The following ARHGEF9 variants were observed in gnomAD, a reference collection of about 807,000 sequenced individuals.
ARHGEF9 encodes rho guanine nucleotide exchange factor 9.
In ARHGEF9, 2 loss-of-function variants were observed where a neutral mutation model predicts 41.3. The ratio of observed to expected loss-of-function variants is 0.05; its 90% CI spans 0.02 to 0.15. ARHGEF9 has a LOEUF of 0.15. ARHGEF9 is among the 10% of genes least tolerant of loss of function. The probability of loss-of-function intolerance (pLI) is 1.00; values close to 1 mark genes in which losing one functional copy is unlikely to be tolerated. For missense variants in ARHGEF9, 225 were observed against 424.7 expected (o/e 0.53, Z 4.13); for synonymous variants, 160 against 154.4 (o/e 1.04, Z -0.27).
At chrX:63,647,254 C>T (rs782320695) in intron 8 of ARHGEF9, among the ~76,000 whole-genome samples, 1 of 111,790 alleles carries the variant, frequency 8.9e-6, no homozygotes, top group Non-Finnish European at 1.9e-5. Flanking sequence ...CTGGCCAGAA[C>T]TTCCAACACT....
At chrX:63,713,792 G>C (rs1363624127) in intron 2 of ARHGEF9, among the ~76,000 whole-genome samples, 1 of 110,288 alleles carries the variant, frequency 9.1e-6, no homozygotes, top group Non-Finnish European at 1.9e-5. Flanking sequence ...AGGGATTCCT[G>C]AATGTGCATG....
At chrX:63,766,766 T>C in intron 1 of ARHGEF9, 1 of 215,488 alleles carries the variant, frequency 4.6e-6, no homozygotes, top group South Asian at 7.2e-5. Context: ...TGCCCCTCTA[T>C]CTCCCATCTT....
intron 4 of ARHGEF9, 77 bp downstream of exon 4, chrX:63,697,048 A>T (rs1195305162): frequency 1.5e-5 from 16 of 1,086,292 alleles, no homozygotes; most frequent in Non-Finnish European, 1.9e-5. Context: ...AGCTGAACAG[A>T]ACCAGACAGC....
intron 1 of ARHGEF9, among the ~76,000 whole-genome samples, chrX:63,775,505 G>A (rs1283175941): frequency 8.9e-6 from 1 of 112,162 alleles, no homozygotes; most frequent in African/African-American, 3.2e-5. Flanking sequence ...ATAAAAACGC[G>A]AGAACATGTC....
chrX:63,677,791 C>A (rs1219729885), intron 5 of ARHGEF9, among the ~76,000 whole-genome samples: 2 of 111,904 alleles, frequency 1.8e-5, no homozygotes, highest in African/African-American at 6.5e-5. Context: ...GCCCACCAAA[C>A]CCCCAAAAAG....
chrX:63,724,037 C>T (rs2053808711), intron 2 of ARHGEF9, among the ~76,000 whole-genome samples: 1 of 111,808 alleles, frequency 8.9e-6, no homozygotes, highest in African/African-American at 3.3e-5. Flanking sequence ...TCTGAATACA[C>T]AGTGACAACA....
intron 6 of ARHGEF9, among the ~76,000 whole-genome samples, chrX:63,668,910 T>C (rs782765185): frequency 6.9e-4 from 77 of 111,564 alleles, no homozygotes; most frequent in Non-Finnish European, 1.4e-3. Flanking sequence ...CCCCACCCAA[T>C]CTCCTCCTAC....
intron 6 of ARHGEF9, among the ~76,000 whole-genome samples, chrX:63,670,697 G>A (rs1489941439): frequency 1.8e-5 from 2 of 111,700 alleles, no homozygotes; most frequent in Non-Finnish European, 3.8e-5. Flanking sequence ...CAGTCCCTGG[G>A]AACAGATTAT....
chrX:63,648,647 C>A (rs1453030198), intron 8 of ARHGEF9, among the ~76,000 whole-genome samples: 1 of 111,593 alleles, frequency 9.0e-6, no homozygotes, highest in African/African-American at 3.3e-5. Flanking sequence ...CTAAAAGACA[C>A]AGACTGGCAC....
chrX:63,721,026 C>T (rs182625501), intron 2 of ARHGEF9, among the ~76,000 whole-genome samples: 78 of 111,344 alleles, frequency 7.0e-4, no homozygotes, highest in African/African-American at 2.5e-3. Context: ...CCCACTTACC[C>T]CTTGTCTCAA....
intron 6 of ARHGEF9, among the ~76,000 whole-genome samples, chrX:63,666,487 C>CACACAT (rs1490998175): frequency 1.9e-5 from 2 of 104,552 alleles, no homozygotes; most frequent in South Asian, 4.5e-4. Context: ...CACACACACA[C>CACACAT]ATATATATAT....
chrX:63,658,943 T>C (rs1556338943), intron 7 of ARHGEF9, among the ~76,000 whole-genome samples: 1 of 111,825 alleles, frequency 8.9e-6, no homozygotes, highest in African/African-American at 3.3e-5. Context: ...ATTCCAATCT[T>C]AGCCTTCGAG....
rs547090970 is a variant in ARHGEF9, at chrX:63,731,505, C to T, written c.31-6794G>A. On this transcript the variant is annotated intron_variant, in intron 1 of 9. Transcript: ENST00000671741. ...AGATTGGCTATTGGAAGAAAATCTG[C>T]CAGTAACTCACCAAATGATCTTGGA... is the stretch of plus-strand genomic sequence containing the variant. Among the ~76,000 whole-genome samples, 17 of 108,023 alleles carry T rather than the reference C, an allele frequency of 1.6e-4. 1 individual carries two copies. In the South Asian group the frequency reaches 6.1e-3, roughly 39 times the overall value. The allele number at this position is 108,023 out of a possible 115,157, so 93.8% of individuals were successfully genotyped here. A position where few individuals can be genotyped will look rare whatever the true frequency, so the allele number is the denominator to read the frequency against.
intron 1 of ARHGEF9, chrX:63,755,845 T>A (rs1460896473): frequency 1.3e-6 from 1 of 752,780 alleles, no homozygotes; most frequent in Non-Finnish European, 1.6e-6. Flanking sequence ...TGGTCAGATT[T>A]CCTTTCTTGA....
At chrX:63,662,012 T>G (rs1419635771) in intron 7 of ARHGEF9, among the ~76,000 whole-genome samples, 2 of 111,883 alleles carry the variant, frequency 1.8e-5, no homozygotes, top group African/African-American at 6.5e-5. Flanking sequence ...AGCCCATATT[T>G]GGGTACATCT....
At chrX:63,732,615 C>T (rs1556420767) in intron 1 of ARHGEF9, among the ~76,000 whole-genome samples, 1 of 111,453 alleles carries the variant, frequency 9.0e-6, no homozygotes, top group African/African-American at 3.3e-5. Flanking sequence ...TAACTCCCCA[C>T]TATCTCAAAG....
intron 2 of ARHGEF9, among the ~76,000 whole-genome samples, chrX:63,717,727 C>T: frequency 8.9e-6 from 1 of 111,898 alleles, no homozygotes. Context: ...TGAGTGTTTC[C>T]TATGTGTCAG....
intron 4 of ARHGEF9, 103 bp downstream of exon 4, chrX:63,697,022 C>T: frequency 1.1e-6 from 1 of 894,263 alleles, no homozygotes; most frequent in Non-Finnish European, 1.5e-6. Context: ...ACCCATTCCC[C>T]ACTGCAGGAA....
At chrX:63,725,966 T>TA (rs1490468338) in intron 1 of ARHGEF9, among the ~76,000 whole-genome samples, 1 of 112,558 alleles carries the variant, frequency 8.9e-6, no homozygotes, top group African/African-American at 3.2e-5. Flanking sequence ...CTCATATATC[T>TA]ACCCTCCAAC....
Sources: allele counts gnomAD v4.1 joint callset (sites outside exome capture counted in the v4.1 genomes callset), GRCh38; gene constraint gnomAD v4.1.1; transcripts MANE v1.5; gene names NCBI Gene and HGNC (gene_info 2026-07-23, HGNC 2026-07-21).